Variants in APOB observed in about 807,000 individuals in gnomAD.
APOB encodes apolipoprotein B.
Under a neutral mutation model 314.1 loss-of-function variants are expected in APOB, and 153 were observed. That is an observed-to-expected ratio of 0.49 (90% CI 0.43 to 0.56). APOB has a LOEUF of 0.56. Ranked by LOEUF, APOB falls within the 20% of genes least tolerant of loss-of-function variation. The probability of loss-of-function intolerance (pLI) is 0.00; values close to 1 mark genes in which losing one functional copy is unlikely to be tolerated. For missense variants in APOB, 5,430 were observed against 5,350.7 expected (o/e 1.01, Z -0.46); for synonymous variants, 2,087 against 2,036.4 (o/e 1.02, Z -0.67).
At chr2:21,026,438 C>T (rs925211476) in intron 15 of APOB, among the ~76,000 whole-genome samples, 14 of 151,878 alleles carry the variant, frequency 9.2e-5, no homozygotes, top group African/African-American at 2.9e-4. Flanking sequence ...TTAGTAGAGA[C>T]GGGGTTTCAG....
chr2:21,028,314 A>C lies in APOB; in HGVS notation c.1829+13T>G, dbSNP rs1255940824. The C allele has an allele frequency of 6.2e-7, 1 of 1,606,226 alleles. No individual in the cohort carries two copies. Among genetic ancestry groups the C allele is most frequent in the Non-Finnish European group, 8.5e-7 (1 of 1,172,856 alleles). ...GCCCTCAGTGGTATATGGGGTGAATAGCTCTTACTTACTCTTGGATATCCA... is the reference window on the plus strand; with the variant it reads ...GCCCTCAGTGGTATATGGGGTGAATCGCTCTTACTTACTCTTGGATATCCA... On this transcript the variant is annotated intron_variant, in intron 13 of 28. Coordinates refer to ENST00000233242, the MANE Select transcript of APOB (RefSeq NM_000384.3).
At chr2:21,017,078 G>T (rs564584416) in intron 20 of APOB, among the ~76,000 whole-genome samples, 1 of 151,258 alleles carries the variant, frequency 6.6e-6, no homozygotes, top group African/African-American at 2.4e-5. Flanking sequence ...GAGAGGAAAA[G>T]GTAGAGAAAC....
At position 21,011,147 on chromosome 2, in the gene APOB, G is replaced by T. The variant is rs755014418; in HGVS notation, c.5721C>A (p.Ile1907=). 2 of 1,614,166 alleles carry T rather than the reference G, an allele frequency of 1.2e-6. No homozygotes were observed. The highest frequency in any genetic ancestry group is 1.7e-6 in the Non-Finnish European group (2 of 1,180,012). Residue 1907 remains isoleucine, a synonymous_variant, in exon 26 of 29, where the codon ATC becomes ATA. Transcript: ENST00000233242. ...TCCCATTGCCATTTGTATGTGCATC[G>T]ATGGTCATGGTAAACGGGGCCATTA... ...RSVMAPFTMT[I]DAHTNGNGKL...
Position 21,007,171 on chromosome 2 carries a change from A to T in APOB, c.9697T>A (p.Tyr3233Asn). ...YNETKIKFDK[Y>N]KAEKSHDELP... ...TCGTCGTGAGATTTTTCAGCTTTGT[A>T]CTTATCAAACTTAATTTTTGTTTCA... is the stretch of plus-strand genomic sequence containing the variant. Residue 3233 changes from tyrosine (Y) to asparagine (N), a missense_variant, in exon 26 of 29, where the codon TAC (tyrosine) becomes AAC (asparagine). Physicochemically the swap from Tyr to Asn is moderately radical, Grantham distance 143 (BLOSUM62 -2). Coordinates refer to ENST00000233242, the MANE Select transcript of APOB (RefSeq NM_000384.3). 6.2e-7 allele frequency: 1 copy of T among 1,613,896 alleles called. No individual in the cohort carries two copies. Among genetic ancestry groups the T allele is most frequent in the Non-Finnish European group, 8.5e-7 (1 of 1,179,918 alleles).
At chr2:21,031,085 A>G (rs553213065) in intron 10 of APOB, among the ~76,000 whole-genome samples, 3 of 152,372 alleles carry the variant, frequency 2.0e-5, no homozygotes, top group African/African-American at 7.2e-5. Context: ...CAATAAATCC[A>G]ACAATCCCAT....
rs1368337831 is a variant in APOB at position 21,038,085 on chromosome 2, T to C, written c.410A>G (p.Glu137Gly). The change falls in exon 5 of 29, where the codon GAA (glutamate) becomes GGA (glycine). Residue 137 changes from glutamate (E) to glycine (G), a missense_variant. Glu to Gly is a moderately conservative substitution (Grantham distance 98, BLOSUM62 -2). Coordinates refer to ENST00000233242, the MANE Select transcript of APOB (RefSeq NM_000384.3). ...SRYELKLAIP[E>G]GKQVFLYPEK... ...CGGGTAAAGGAAAACCTGCTTCCCT[T>C]CTGGAATGGCCAGCTTGAGCTCATA... 6.2e-7 allele frequency: 1 copy of C among 1,614,144 alleles called. No individual in the cohort carries two copies. Among genetic ancestry groups the C allele is most frequent in the Non-Finnish European group, 8.5e-7 (1 of 1,180,030 alleles).
rs549476578 is a variant in APOB, at chr2:21,009,212, A to G, written c.7656T>C (p.Asp2552=). The change falls in exon 26 of 29, where the codon GAT becomes GAC. Residue 2552 remains aspartate (D), a synonymous_variant. Coordinates refer to ENST00000233242, the MANE Select transcript of APOB (RefSeq NM_000384.3). ...VYSTLVTYIS[D]WWTLAAKNLT... ...GGTTCTTAGCAGCAAGAGTCCACCA[A>G]TCAGAAATGTAGGTGACAAGTGTGC... The G allele has an allele frequency of 1.9e-6, 3 of 1,614,108 alleles. No individual in the cohort carries two copies. The highest frequency in any genetic ancestry group is 1.7e-5 in the Admixed American group (1 of 60,006).
rs141225768 is a variant in APOB, at chr2:21,012,205, T to C, written c.4663A>G (p.Ile1555Val). 155 of 1,603,328 alleles carry C rather than the reference T, an allele frequency of 9.7e-5. No individual in the cohort carries two copies. In the African/African-American group the frequency reaches 1.8e-3, roughly 19 times the overall value. ...TSTSDLQSGI[I>V]KNTASLKYEN... Reference sequence around the variant, plus strand: ...TACTTTAGGGAAGCAGTATTTTTAATGATGCCACTTTGCAGATCAGAGGTG... The same window carrying C: ...TACTTTAGGGAAGCAGTATTTTTAACGATGCCACTTTGCAGATCAGAGGTG... The change falls in exon 26 of 29, where the codon ATT becomes GTT. Residue 1555 changes from isoleucine to valine, a missense_variant. Around this residue, in one of 3 missense-constraint regions of APOB, gnomAD observed 2,085 missense variants for 2,079.7 expected, o/e 1.00. Transcript: ENST00000233242.
intron 12 of APOB, among the ~76,000 whole-genome samples, chr2:21,029,008 G>T (rs1025415548): frequency 1.3e-5 from 2 of 152,200 alleles, no homozygotes; most frequent in Admixed American, 6.5e-5. Flanking sequence ...TTTCCATGAT[G>T]AGAGGGATGG....
At position 21,010,114 on chromosome 2, in the gene APOB, C is replaced by A. The variant is rs758442604; in HGVS notation, c.6754G>T (p.Val2252Leu). 108 of 1,612,330 alleles carry A rather than the reference C, an allele frequency of 6.7e-5. No homozygotes were observed. Among genetic ancestry groups the A allele is most frequent in the Non-Finnish European group, 8.2e-5 (97 of 1,179,336 alleles). The change falls in exon 26 of 29, where the codon GTG becomes TTG. Residue 2252 changes from valine (V) to leucine (L), a missense_variant. Val to Leu is a conservative substitution (Grantham distance 32). This residue lies in a region of APOB where 3,281 missense variants were observed against 3,171.0 expected (regional missense o/e 1.03). Coordinates refer to ENST00000233242, the MANE Select transcript of APOB (RefSeq NM_000384.3). ...GSSTASWIQN[V>L]DTKYQIRIQI... Reference sequence around the variant, plus strand: ...ATTCTGATTTGGTACTTAGTATCCACATTTTGAATCCAGGATGCAGTACTA... The same window carrying A: ...ATTCTGATTTGGTACTTAGTATCCAAATTTTGAATCCAGGATGCAGTACTA...
chr2:21,043,481 G>T lies in APOB; in HGVS notation c.121+32C>A. 1.9e-6 allele frequency: 3 copies of T among 1,589,560 alleles called. No homozygotes were observed. The South Asian group carries it at 3.4e-5, about 18-fold the overall frequency. On this transcript the variant is annotated intron_variant, in intron 2 of 28. Transcript: ENST00000233242. ...TGTAGGAGAGTGCACGGGGCTGGGC[G>T]CCCTTCCACGCCCCATGCGCAGATG...
chr2:21,013,025 T>A (rs1663369917), intron 25 of APOB, 135 bp downstream of exon 25: 4 of 1,061,888 alleles, frequency 3.8e-6, no homozygotes, highest in Non-Finnish European at 5.6e-6. Flanking sequence ...ATTTGTTGAA[T>A]AAAATAAAAG....
intron 16 of APOB, chr2:21,024,037 G>A (rs1440973418): frequency 1.6e-5 from 3 of 182,338 alleles, no homozygotes; most frequent in Non-Finnish European, 3.5e-5. Flanking sequence ...GTAAGTGAAG[G>A]TGTACTTGAA....
chr2:21,027,329 T>TTTTTTG (rs1663755520), intron 14 of APOB, among the ~76,000 whole-genome samples: 1 of 135,998 alleles, frequency 7.4e-6, no homozygotes, highest in Non-Finnish European at 1.6e-5. Context: ...TTTTTTTTTT[T>TTTTTTG]GAGATGGAGT....
chr2:21,010,768 T>C lies in APOB; in HGVS notation c.6100A>G (p.Ile2034Val), dbSNP rs200339216. The C allele has an allele frequency of 5.5e-5, 89 of 1,614,084 alleles. No homozygotes were observed. The highest frequency in any genetic ancestry group is 2.2e-4 in the Admixed American group (13 of 60,016). The stretch of plus-strand genomic sequence containing the variant: ...ATCTCTAAAGCATCAATGATATTGA[T>C]GGGCTCACTGAGTAAAAGTGGCACT... ...IKVPLLLSEP[I>V]NIIDALEMRD... The change falls in exon 26 of 29, where the codon ATC (isoleucine) becomes GTC (valine). Residue 2034 changes from isoleucine to valine, a missense_variant. Coordinates refer to ENST00000233242, the MANE Select transcript of APOB (RefSeq NM_000384.3).
Position 21,009,983 on chromosome 2 carries a change from T to C in APOB, c.6885A>G (p.Arg2295=), listed in dbSNP as rs774992638. 9 of 1,613,728 alleles carry C rather than the reference T, an allele frequency of 5.6e-6. No homozygotes were observed. Among genetic ancestry groups the C allele is most frequent in the Non-Finnish European group, 6.8e-6 (8 of 1,179,932 alleles). Residue 2295 remains arginine, a synonymous_variant, in exon 26 of 29, where the codon AGA becomes AGG. Coordinates refer to ENST00000233242, the MANE Select transcript of APOB (RefSeq NM_000384.3). ...LKQHIEAIDV[R]VLLDQLGTTI... ...TAGTTCCCAATTGATCTAAAAGCACTCTAACATCAATAGCCTCAATGTGTT... is the reference window on the plus strand; with the variant it reads ...TAGTTCCCAATTGATCTAAAAGCACCCTAACATCAATAGCCTCAATGTGTT...
chr2:21,025,220 G>A, intron 15 of APOB, 96 bp from the exon 16 acceptor site: 1 of 1,270,496 alleles, frequency 7.9e-7, no homozygotes, highest in Non-Finnish European at 1.1e-6. Flanking sequence ...GCCAGGATGG[G>A]CCTAAAAAAT....
Position 21,002,579 on chromosome 2 carries a change from T to C in APOB, c.12843A>G (p.Gln4281=). Reference sequence around the variant, plus strand: ...GAGACTGAATGGCTTTAAATACCTCTTGGGCTTCTTTTGATAAATCTTTCA... The same window carrying C: ...GAGACTGAATGGCTTTAAATACCTCCTGGGCTTCTTTTGATAAATCTTTCA... ...ELLKDLSKEA[Q]EVFKAIQSLK... is the part of the protein sequence containing the mutation. The change falls in exon 29 of 29, where the codon CAA becomes CAG. Residue 4281 remains glutamine (Q), a synonymous_variant. Coordinates refer to ENST00000233242, the MANE Select transcript of APOB (RefSeq NM_000384.3). The C allele has an allele frequency of 1.2e-6, 2 of 1,614,110 alleles. No individual in the cohort carries two copies. The highest frequency in any genetic ancestry group is 1.7e-6 in the Non-Finnish European group (2 of 1,179,968).
rs199662273 is a variant in APOB at position 21,035,706 on chromosome 2, G to T, written c.696C>A (p.Thr232=). The change falls in exon 7 of 29, where the codon ACC becomes ACA. Residue 232 remains threonine (T), a splice_region_variant and synonymous_variant. Transcript: ENST00000233242. ...ISPLALIKGM[T]RPLSTLISSS... is the part of the protein sequence containing the mutation. ...TGCTGATCAGAGTTGACAAGGGGCG[G>T]GTCTATGAAAGAGATTGGAGACGAG... 9.3e-6 allele frequency: 15 copies of T among 1,613,984 alleles called. No individual in the cohort carries two copies. In the Admixed American group the frequency reaches 1.7e-4, roughly 18 times the overall value.
Sources: allele counts gnomAD v4.1 joint callset (sites outside exome capture counted in the v4.1 genomes callset), GRCh38; gene constraint gnomAD v4.1.1; regional missense constraint gnomAD v4.1.1; transcripts MANE v1.5; gene names NCBI Gene and HGNC (gene_info 2026-07-23, HGNC 2026-07-21).